The following DHRSX variants were observed in gnomAD, a reference collection of about 807,000 sequenced individuals.
DHRSX encodes polyprenol dehydrogenase.
In DHRSX, 31 loss-of-function variants were observed where a neutral mutation model predicts 34.0. That is an observed-to-expected ratio of 0.91 (90% confidence interval 0.69 to 1.23). DHRSX has a LOEUF of 1.23. DHRSX is among the 50% of genes most tolerant of loss of function. DHRSX has a pLI of 0.00. For synonymous variants in DHRSX, 201 were observed against 183.8 expected (o/e 1.09, Z -0.76); for missense variants, 414 against 428.1 (o/e 0.97, Z 0.29).
intron 5 of DHRSX, among the ~76,000 whole-genome samples, chrX:2,258,282 C>A (rs1450650003): frequency 4.6e-5 from 7 of 151,224 alleles, no homozygotes; most frequent in Non-Finnish European, 8.8e-5. Flanking sequence ...CACAAAGGGA[C>A]GACCCTGTGA....
At chrX:2,337,468 C>T (rs1194159258) in intron 3 of DHRSX, among the ~76,000 whole-genome samples, 6 of 151,990 alleles carry the variant, frequency 3.9e-5, no homozygotes, top group Non-Finnish European at 7.4e-5. Context: ...TTGCTTAAAA[C>T]AAGTTTTTTT....
intron 6 of DHRSX, among the ~76,000 whole-genome samples, chrX:2,228,446 AG>A (rs369062365): frequency 1.8e-4 from 2 of 11,062 alleles, no homozygotes; most frequent in African/African-American, 4.0e-3. Context: ...GGAGGGAGGG[AG>A]GGAAGGGAGG....
rs1318794168 is a variant in DHRSX at position 2,489,185 on chromosome X, C to T, written c.109+11632G>A. The T allele has an allele frequency of 1.9e-6, 3 of 1,613,684 alleles. No homozygotes were observed. The Admixed American group carries it at 5.0e-5, about 27-fold the overall frequency. On this transcript the variant is annotated intron_variant, in intron 1 of 6. Transcript: ENST00000334651. Reference sequence around the variant, plus strand: ...GATCTTGTCCTCAGCCGGCCGGTAGCCGCCGTCTTTGACCTTGTCCAGCAG... The same window carrying T: ...GATCTTGTCCTCAGCCGGCCGGTAGTCGCCGTCTTTGACCTTGTCCAGCAG...
At chrX:2,425,341 T>A in intron 1 of DHRSX, 37 bp from the exon 2 acceptor site, 1 of 1,550,178 alleles carries the variant, frequency 6.5e-7, no homozygotes. Flanking sequence ...AAACTAAGAT[T>A]TGAAAGCAGA....
chrX:2,346,553 C>G (rs1268962557), intron 3 of DHRSX, among the ~76,000 whole-genome samples: 5 of 152,066 alleles, frequency 3.3e-5, no homozygotes, highest in African/African-American at 1.2e-4. Context: ...CCTCCCATAG[C>G]TTCTTCTCAC....
At chrX:2,356,609 A>C (rs2042855461) in intron 3 of DHRSX, among the ~76,000 whole-genome samples, 1 of 152,142 alleles carries the variant, frequency 6.6e-6, no homozygotes, top group African/African-American at 2.4e-5. Context: ...TGGACTGTAC[A>C]GGTCAGTTAT....
chrX:2,355,023 T>C (rs769882887), intron 3 of DHRSX, among the ~76,000 whole-genome samples: 1 of 152,226 alleles, frequency 6.6e-6, no homozygotes, highest in South Asian at 2.1e-4. Context: ...AGAGCATCAG[T>C]TGAAATGAAG....
chrX:2,266,044 C>A (rs745910182), intron 5 of DHRSX, among the ~76,000 whole-genome samples: 5 of 145,400 alleles, frequency 3.4e-5, no homozygotes, highest in Non-Finnish European at 6.0e-5. Context: ...CAGTGTACAG[C>A]AGACGCAGGG....
At chrX:2,397,951 C>CACACACACACACAT (rs1310422569) in intron 3 of DHRSX, among the ~76,000 whole-genome samples, 2 of 149,714 alleles carry the variant, frequency 1.3e-5, no homozygotes, top group African/African-American at 5.0e-5. Flanking sequence ...CACACACACA[C>CACACACACACACAT]ACATAGATAC....
At chrX:2,303,315 T>C (rs1214155093) in intron 3 of DHRSX, among the ~76,000 whole-genome samples, 1 of 151,860 alleles carries the variant, frequency 6.6e-6, no homozygotes, top group Non-Finnish European at 1.5e-5. Flanking sequence ...GTTGGAGGAG[T>C]GGCCTGGGGA....
At chrX:2,330,539 AAAAGG>A (rs2042454705) in intron 3 of DHRSX, among the ~76,000 whole-genome samples, 1 of 141,084 alleles carries the variant, frequency 7.1e-6, no homozygotes, top group South Asian at 2.5e-4. Flanking sequence ...AAAAGAAAAG[AAAAGG>A]GAAGGGAAGG....
At chrX:2,477,875 G>A (rs1157605172) in intron 1 of DHRSX, among the ~76,000 whole-genome samples, 3 of 151,800 alleles carry the variant, frequency 2.0e-5, no homozygotes, top group African/African-American at 7.2e-5. Flanking sequence ...AAGAATGAAA[G>A]GTGCACAGAG....
chrX:2,267,203 C>T (rs1157030588), intron 4 of DHRSX, among the ~76,000 whole-genome samples: 2 of 152,156 alleles, frequency 1.3e-5, no homozygotes, highest in African/African-American at 2.4e-5. Flanking sequence ...AACCACAGGC[C>T]GGGCGCGGTG....
intron 3 of DHRSX, among the ~76,000 whole-genome samples, chrX:2,366,209 AG>A (rs1258991876): frequency 2.0e-5 from 3 of 152,146 alleles, no homozygotes; most frequent in Non-Finnish European, 4.4e-5. Flanking sequence ...TGGGAGGCCG[AG>A]GCAGGTGGAT....
chrX:2,448,516 G>GAA (rs1459679082), intron 1 of DHRSX, among the ~76,000 whole-genome samples: 88,598 of 143,292 alleles, frequency 0.62, 29,111 homozygotes, highest in African/African-American at 0.84. Context: ...TAGAGTTAAG[G>GAA]TTATGTGAAT....
chrX:2,425,375 C>T (rs1376075885), intron 1 of DHRSX, 71 bp from the exon 2 acceptor site: 2 of 1,362,264 alleles, frequency 1.5e-6, no homozygotes, highest in African/African-American at 2.9e-5. Context: ...AGAATTAAGC[C>T]TCCAGAGAGG....
intron 6 of DHRSX, among the ~76,000 whole-genome samples, chrX:2,227,666 AAGAG>A (rs2015708324): frequency 1.2e-5 from 1 of 85,776 alleles, no homozygotes; most frequent in African/African-American, 5.2e-5. Context: ...AAGGAAGGAA[AAGAG>A]ACAGAAAGAA....
intron 1 of DHRSX, chrX:2,488,694 A>G: frequency 6.2e-7 from 1 of 1,613,714 alleles, no homozygotes; most frequent in Non-Finnish European, 8.5e-7. Flanking sequence ...TCCCCCAAGG[A>G]GAACACCTGC....
chrX:2,406,643 GT>G (rs1409287054), intron 3 of DHRSX, among the ~76,000 whole-genome samples: 2 of 151,896 alleles, frequency 1.3e-5, no homozygotes, highest in Non-Finnish European at 2.9e-5. Flanking sequence ...GTTTCACCAT[GT>G]TAGCCAGGCT....
Sources: allele counts gnomAD v4.1 joint callset (sites outside exome capture counted in the v4.1 genomes callset), GRCh38; gene constraint gnomAD v4.1.1; transcripts MANE v1.5; gene names NCBI Gene and HGNC (gene_info 2026-07-23, HGNC 2026-07-21).